The following ZNF512 variants were observed in gnomAD, a reference collection of about 807,000 sequenced individuals.
ZNF512 encodes the protein zinc finger protein 512.
ZNF512 carries 25 observed loss-of-function variants against 77.5 expected under a neutral mutation model. The ratio of observed to expected loss-of-function variants is 0.32; its 90% CI spans 0.23 to 0.45. ZNF512 has a LOEUF of 0.45. Among genes scored for constraint, ZNF512 ranks in the 20% least tolerant of loss-of-function variants. ZNF512 has a pLI of 1.00. For missense variants in ZNF512, 483 were observed against 692.6 expected, an observed-to-expected ratio of 0.70 and a Z score of 3.40; for synonymous variants, 246 against 239.9, an observed-to-expected ratio of 1.03 and a Z score of -0.24.
Position 27,602,274 on chromosome 2 carries a change from C to G in ZNF512, c.670-189C>G, listed in dbSNP as rs755885071. Among the ~76,000 whole-genome samples the G allele has an allele frequency of 3.1e-4, 47 of 152,322 alleles. 1 individual carries two copies. The Middle Eastern group carries it at 0.01, about 33-fold the overall frequency. On this transcript the variant is annotated intron_variant, in intron 7 of 13. Coordinates refer to ENST00000355467, the MANE Select transcript of ZNF512 (RefSeq NM_032434.4). Reference sequence around the variant, plus strand: ...TATCTTGGGAGTCAGAGGCTCAGAACTCTTATTTCCATTATATTCACTTCC... The same window carrying G: ...TATCTTGGGAGTCAGAGGCTCAGAAGTCTTATTTCCATTATATTCACTTCC...
intron 9 of ZNF512, among the ~76,000 whole-genome samples, chr2:27,604,787 C>CA (rs1277590996): frequency 3.3e-5 from 5 of 151,476 alleles, no homozygotes; most frequent in African/African-American, 7.3e-5. Context: ...TCAAAACAAA[C>CA]AAAAAAAAGA....
intron 9 of ZNF512, among the ~76,000 whole-genome samples, chr2:27,603,916 T>A (rs1470054307): frequency 8.7e-5 from 13 of 148,804 alleles, no homozygotes; most frequent in Admixed American, 8.7e-4. Flanking sequence ...AATTAATTAA[T>A]TAATTAATTT....
intron 9 of ZNF512, among the ~76,000 whole-genome samples, chr2:27,603,573 A>AGTGTGTGTGTGT (rs11273312): frequency 5.2e-4 from 69 of 133,174 alleles, no homozygotes; most frequent in Admixed American, 1.0e-3. Flanking sequence ...ATTTTTATAT[A>AGTGTGTGTGTGT]GTGTGTGTGT....
At chr2:27,599,225 C>T (rs1672006819) in intron 3 of ZNF512, among the ~76,000 whole-genome samples, 1 of 152,142 alleles carries the variant, frequency 6.6e-6, no homozygotes, top group Non-Finnish European at 1.5e-5. Flanking sequence ...GGAGAATATT[C>T]TGGATCGTCA....
intron 2 of ZNF512, among the ~76,000 whole-genome samples, chr2:27,584,749 T>G (rs1415893851): frequency 2.0e-5 from 3 of 152,248 alleles, no homozygotes; most frequent in Non-Finnish European, 1.5e-5. Flanking sequence ...CATGTGAACG[T>G]GTGGAAAGAG....
chr2:27,621,124 T>G, intron 13 of ZNF512, 29 bp from the exon 14 acceptor site: 1 of 1,595,456 alleles, frequency 6.3e-7, no homozygotes, highest in Non-Finnish European at 8.5e-7. Flanking sequence ...TATTTTCGAC[T>G]GGATGACATT....
At chr2:27,605,799 A>T (rs1485327699) in intron 9 of ZNF512, among the ~76,000 whole-genome samples, 1 of 152,140 alleles carries the variant, frequency 6.6e-6, no homozygotes, top group East Asian at 1.9e-4. Context: ...TGTGAAAATA[A>T]ATTTTAATTT....
At chr2:27,611,672 T>A (rs1672670788) in intron 10 of ZNF512, among the ~76,000 whole-genome samples, 1 of 151,922 alleles carries the variant, frequency 6.6e-6, no homozygotes, top group Non-Finnish European at 1.5e-5. Context: ...TAGATTAGCA[T>A]CCATTGACAA....
chr2:27,589,503 G>C (rs901578697), intron 2 of ZNF512, among the ~76,000 whole-genome samples: 2 of 152,050 alleles, frequency 1.3e-5, no homozygotes, highest in African/African-American at 4.8e-5. Flanking sequence ...TCTAAGTCTA[G>C]CTACAGGGTT....
chr2:27,603,586 G>GTGTGTGTGTA (rs140043162), intron 9 of ZNF512, among the ~76,000 whole-genome samples: 1 of 72,488 alleles, frequency 1.4e-5, no homozygotes, highest in East Asian at 9.1e-4. Context: ...GTGTGTGTGT[G>GTGTGTGTGTA]TATATTTTTT....
Position 27,617,483 on chromosome 2 carries a change from TG to T in ZNF512, c.1309del (p.Ala437LeufsTer34). On this transcript the variant is annotated frameshift_variant, in exon 13 of 14. Coordinates refer to ENST00000355467, the MANE Select transcript of ZNF512 (RefSeq NM_032434.4). LOFTEE classifies it high-confidence loss of function. ...HLGSCTLGNF[V>X]AGKYKCLLCQ... ...CTCTCTTGGAAATAGGGAAACTTTG[TG>T]GCTGGAAAATACAAATGTCTTCTAT... 2.1e-6 allele frequency: 3 copies of T among 1,433,386 alleles called. No homozygotes were observed. The highest frequency in any genetic ancestry group is 3.0e-6 in the Non-Finnish European group (3 of 1,014,720). The allele number at this position is 1,433,386 out of a possible 1,614,324, so 88.8% of individuals were successfully genotyped here. A position where few individuals can be genotyped will look rare whatever the true frequency, so the allele number is the denominator to read the frequency against.
At chr2:27,621,035 C>G in intron 13 of ZNF512, 118 bp from the exon 14 acceptor site, 20 of 1,114,492 alleles carry the variant, frequency 1.8e-5, no homozygotes, top group Non-Finnish European at 2.4e-5. Context: ...GGTTCCATAT[C>G]TGTTTCCTTC....
At chr2:27,610,097 G>T (rs1418479037) in intron 10 of ZNF512, among the ~76,000 whole-genome samples, 1 of 151,598 alleles carries the variant, frequency 6.6e-6, no homozygotes, top group Non-Finnish European at 1.5e-5. Context: ...GGGCGTGGTG[G>T]CTCACGCCTG....
rs1239763306 is a variant in ZNF512 at position 27,583,111 on chromosome 2, T to A, written c.-2T>A. 1 of 1,613,236 alleles carries A rather than the reference T, an allele frequency of 6.2e-7. No homozygotes were observed. The highest frequency in any genetic ancestry group is 8.5e-7 in the Non-Finnish European group (1 of 1,179,768). On this transcript the variant is annotated 5_prime_UTR_variant, in exon 1 of 14. Coordinates refer to ENST00000355467, the MANE Select transcript of ZNF512 (RefSeq NM_032434.4). ...GAAATTGTTAGGCGTGGAGAGGGAGTGATGTCTTCCAGACTCGGTGCTGTA... is the reference window on the plus strand; with the variant it reads ...GAAATTGTTAGGCGTGGAGAGGGAGAGATGTCTTCCAGACTCGGTGCTGTA...
rs192989804 is a variant in ZNF512, at chr2:27,613,184, C to T, written c.1132-1984C>T. On this transcript the variant is annotated intron_variant, in intron 10 of 13. Transcript: ENST00000355467. ...CTTACTACAGATAATTTTTTTGATA[C>T]TCTGCTTTATTTCACTTAATAATAT... Among the ~76,000 whole-genome samples, 930 of 151,720 alleles carry T rather than the reference C, an allele frequency of 6.1e-3. 6 individuals are homozygous for T. The highest frequency in any genetic ancestry group is 0.021 in the African/African-American group (887 of 41,394).
chr2:27,603,598 T>A, intron 9 of ZNF512, among the ~76,000 whole-genome samples: 1 of 32,444 alleles, frequency 3.1e-5, no homozygotes, highest in African/African-American at 2.1e-4. Context: ...ATATTTTTTT[T>A]TTTTTTTTTC....
chr2:27,610,892 G>A (rs756033937), intron 10 of ZNF512, among the ~76,000 whole-genome samples: 6 of 151,678 alleles, frequency 4.0e-5, no homozygotes, highest in Non-Finnish European at 8.8e-5. Flanking sequence ...TTTCGACAGC[G>A]TATAGATAAA....
In ZNF512 at chr2:27,607,873, C is replaced by T. The variant is rs779619610; in HGVS notation, c.965C>T (p.Pro322Leu). 7 of 1,613,940 alleles carry T rather than the reference C, an allele frequency of 4.3e-6. No homozygotes were observed. The Admixed American group carries it at 6.7e-5, about 15-fold the overall frequency. The part of the protein sequence containing the change: ...PISFFPESGQ[P>L]ECLKEMNLES... ...TCCTTCTTTCCAGAGTCAGGACAGC[C>T]AGAGTGCTTAAAGGAGATGAACCTA... Residue 322 changes from proline to leucine, a missense_variant, in exon 10 of 14, where the codon CCA becomes CTA. Pro to Leu is a moderately conservative substitution (Grantham distance 98). Coordinates refer to ENST00000355467, the MANE Select transcript of ZNF512 (RefSeq NM_032434.4).
chr2:27,609,113 A>G (rs1470096703), intron 10 of ZNF512, among the ~76,000 whole-genome samples: 1 of 151,368 alleles, frequency 6.6e-6, no homozygotes, highest in Non-Finnish European at 1.5e-5. Flanking sequence ...TGTCTCCAAA[A>G]AAAAAAAAAA....
Sources: allele counts gnomAD v4.1 joint callset (sites outside exome capture counted in the v4.1 genomes callset), GRCh38; gene constraint gnomAD v4.1.1; transcripts MANE v1.5; gene names NCBI Gene and HGNC (gene_info 2026-07-23, HGNC 2026-07-21).